The following GJB7 variants were observed in gnomAD, a reference collection of about 807,000 sequenced individuals.
GJB7 encodes gap junction protein beta 7, also known as gap junction beta-7 protein.
For synonymous variants in GJB7, 87 were observed against 95.2 expected (o/e 0.91, Z 0.50); for missense variants, 253 against 256.8 (o/e 0.99, Z 0.10).
intron 2 of GJB7, among the ~76,000 whole-genome samples, chr6:87,319,684 A>G (rs1776629126): frequency 6.6e-6 from 1 of 152,214 alleles, no homozygotes. Flanking sequence ...GTATATACCT[A>G]AAAGAAAGGA....
chr6:87,289,781 A>T (rs1403223116), intron 2 of GJB7, among the ~76,000 whole-genome samples: 2 of 152,176 alleles, frequency 1.3e-5, no homozygotes, highest in Non-Finnish European at 2.9e-5. Flanking sequence ...CCAACACTGG[A>T]GGCTTTAACT....
intron 1 of GJB7, among the ~76,000 whole-genome samples, chr6:87,328,252 C>T (rs1562221380): frequency 1.3e-5 from 2 of 152,128 alleles, no homozygotes; most frequent in African/African-American, 2.4e-5. Flanking sequence ...TCTCTCAGCT[C>T]GTCAAAGTCA....
chr6:87,325,964 G>A (rs1776810099), intron 1 of GJB7, among the ~76,000 whole-genome samples: 1 of 152,214 alleles, frequency 6.6e-6, no homozygotes, highest in Admixed American at 6.5e-5. Context: ...GGTCTATTAA[G>A]AGATTCAACT....
chr6:87,299,687 G>A lies in GJB7; in HGVS notation c.-27-14748C>T, dbSNP rs11962012. ...TTTGGTGACAACAGAAAGAACCAAC[G>A]TGAAGATACAGCTATTGCTACTGGT... is the stretch of plus-strand genomic sequence containing the variant. On this transcript the variant is annotated intron_variant, in intron 2 of 2. Coordinates refer to ENST00000525899, the MANE Select transcript of GJB7 (RefSeq NM_198568.3). The A allele has an allele frequency of 9.4e-3, 1,610 of 171,978 alleles. 28 individuals carry two copies. The highest frequency in any genetic ancestry group is 0.035 in the African/African-American group (1,452 of 41,720). The allele number at this position is 171,978 out of a possible 1,614,324, so 10.7% of individuals were successfully genotyped here.
At chr6:87,327,132 C>G (rs940935925) in intron 1 of GJB7, among the ~76,000 whole-genome samples, 1 of 151,538 alleles carries the variant, frequency 6.6e-6, no homozygotes, top group African/African-American at 2.4e-5. Flanking sequence ...AGATGTTCCT[C>G]CATCCTTTTA....
chr6:87,290,197 C>T (rs1776143911), intron 2 of GJB7, among the ~76,000 whole-genome samples: 1 of 152,154 alleles, frequency 6.6e-6, no homozygotes, highest in African/African-American at 2.4e-5. Context: ...GATACTCATC[C>T]AACACTCCCA....
At chr6:87,295,880 C>T (rs1039910442) in intron 2 of GJB7, among the ~76,000 whole-genome samples, 3 of 152,158 alleles carry the variant, frequency 2.0e-5, no homozygotes, top group African/African-American at 7.2e-5. Context: ...TCTTATTTTT[C>T]CTAAGAAAGA....
chr6:87,308,653 CA>C (rs1422182319), intron 2 of GJB7, among the ~76,000 whole-genome samples: 11 of 151,690 alleles, frequency 7.3e-5, no homozygotes, highest in Admixed American at 5.3e-4. Flanking sequence ...GATTATTGGC[CA>C]AGAATTTTCT....
At chr6:87,289,124 TTTCC>T (rs1166908869) in intron 2 of GJB7, among the ~76,000 whole-genome samples, 2 of 150,404 alleles carry the variant, frequency 1.3e-5, no homozygotes, top group African/African-American at 5.0e-5. Context: ...CCAGACATGC[TTTCC>T]TTCCTTCAGT....
chr6:87,295,796 C>T lies in GJB7; in HGVS notation c.-27-10857G>A, dbSNP rs140295337. ...GTCTCCTCCCAGAAATTGAAGGGCT[C>T]ATATTTTCAATATTTGCACTTAAAG... On this transcript the variant is annotated intron_variant, in intron 2 of 2. Coordinates refer to ENST00000525899, the MANE Select transcript of GJB7 (RefSeq NM_198568.3). Among the ~76,000 whole-genome samples, 37 of 152,268 alleles carry T rather than the reference C, an allele frequency of 2.4e-4. No homozygotes were observed. The East Asian group carries it at 6.2e-3, about 25-fold the overall frequency.
rs183195026 is a variant in GJB7 at position 87,318,654 on chromosome 6, G to A, written c.-28+4212C>T. Among the ~76,000 whole-genome samples, 874 of 152,248 alleles carry A rather than the reference G, an allele frequency of 5.7e-3. 6 individuals carry two copies. Among genetic ancestry groups the A allele is most frequent in the Non-Finnish European group, 8.3e-3 (567 of 68,016 alleles). On this transcript the variant is annotated intron_variant, in intron 2 of 2. Transcript: ENST00000525899. ...TCATATTAGCAAAAATAAATCACAA[G>A]GGTGACCCCCCAGAGTCAGAGTGGG...
intron 2 of GJB7, among the ~76,000 whole-genome samples, chr6:87,295,361 A>T (rs1209533342): frequency 1.3e-5 from 2 of 152,118 alleles, no homozygotes; most frequent in Admixed American, 1.3e-4. Context: ...GAATGCAATA[A>T]TCATTACTTA....
At chr6:87,291,700 G>A (rs774569858) in intron 2 of GJB7, among the ~76,000 whole-genome samples, 5 of 152,192 alleles carry the variant, frequency 3.3e-5, no homozygotes, top group Non-Finnish European at 7.3e-5. Flanking sequence ...CACATGTGAT[G>A]CGGCACAAAA....
chr6:87,289,854 A>G (rs1216296364), intron 2 of GJB7, among the ~76,000 whole-genome samples: 2 of 152,212 alleles, frequency 1.3e-5, no homozygotes, highest in East Asian at 3.9e-4. Context: ...GGCTACCTGC[A>G]TAAATACTGT....
chr6:87,323,448 C>G (rs775305107), intron 1 of GJB7, among the ~76,000 whole-genome samples: 1 of 123,648 alleles, frequency 8.1e-6, no homozygotes, highest in Non-Finnish European at 1.6e-5. Flanking sequence ...CAACAGACCT[C>G]AGAGTGTGAT....
At chr6:87,286,100 C>T (rs1316009461) in intron 2 of GJB7, among the ~76,000 whole-genome samples, 1 of 152,104 alleles carries the variant, frequency 6.6e-6, no homozygotes, top group African/African-American at 2.4e-5. Flanking sequence ...TTGCTCTTTT[C>T]TTACTCTTTA....
intron 2 of GJB7, among the ~76,000 whole-genome samples, chr6:87,286,055 C>T (rs998771890): frequency 1.3e-5 from 2 of 152,128 alleles, no homozygotes; most frequent in African/African-American, 4.8e-5. Flanking sequence ...CTTTCATCTT[C>T]GTTTTTGTTG....
At chr6:87,325,165 G>C (rs1299641740) in intron 1 of GJB7, among the ~76,000 whole-genome samples, 1 of 152,102 alleles carries the variant, frequency 6.6e-6, no homozygotes, top group Non-Finnish European at 1.5e-5. Flanking sequence ...GGAGATGTTG[G>C]GCTGAGACAA....
chr6:87,317,861 C>T (rs572197473), intron 2 of GJB7, among the ~76,000 whole-genome samples: 1 of 145,672 alleles, frequency 6.9e-6, no homozygotes, highest in Non-Finnish European at 1.5e-5. Flanking sequence ...AGCCTAACTA[C>T]ACTGATAATA....
Sources: gnomAD v4.1 joint callset for allele counts (sites outside exome capture counted in the v4.1 genomes callset) on GRCh38, gnomAD v4.1.1 for gene constraint, MANE v1.5 for transcripts, NCBI Gene and HGNC (gene_info 2026-07-23, HGNC 2026-07-21) for gene names.